DSTYK: variants seen among roughly 807,000 people sequenced by gnomAD.
The protein encoded by DSTYK is RIP-homologous kinase.
Under a neutral mutation model 98.7 loss-of-function variants are expected in DSTYK, and 34 were observed. The ratio of observed to expected loss-of-function variants is 0.34; its 90% CI spans 0.26 to 0.46. DSTYK has a LOEUF of 0.46. Among genes scored for constraint, DSTYK ranks in the 20% least tolerant of loss-of-function variants. DSTYK has a pLI of 1.00. For missense variants in DSTYK, 962 were observed against 1,181.7 expected (o/e 0.81, Z 2.73); for synonymous variants, 462 against 457.3 (o/e 1.01, Z -0.13).
intron 2 of DSTYK, among the ~76,000 whole-genome samples, chr1:205,186,654 C>G (rs1446916966): frequency 6.6e-6 from 1 of 152,156 alleles, no homozygotes; most frequent in Non-Finnish European, 1.5e-5. Flanking sequence ...AGTCACATCC[C>G]CATTTGGTCT....
intron 2 of DSTYK, among the ~76,000 whole-genome samples, chr1:205,172,162 G>T (rs1345595828): frequency 2.0e-5 from 3 of 152,122 alleles, no homozygotes; most frequent in East Asian, 1.9e-4. Context: ...TCACCATGTT[G>T]GCCGGGCTGG....
intron 2 of DSTYK, among the ~76,000 whole-genome samples, chr1:205,170,900 G>A (rs2102416161): frequency 6.6e-6 from 1 of 152,080 alleles, no homozygotes; most frequent in Middle Eastern, 3.4e-3. Context: ...CAGCCCTAAG[G>A]CAAACCTGAT....
At chr1:205,170,194 T>G in intron 2 of DSTYK, among the ~76,000 whole-genome samples, 1 of 152,178 alleles carries the variant, frequency 6.6e-6, no homozygotes, top group East Asian at 1.9e-4. Flanking sequence ...TAATGGAAAT[T>G]ATCAGACTGG....
intron 1 of DSTYK, among the ~76,000 whole-genome samples, chr1:205,200,437 G>A (rs1208541236): frequency 1.3e-5 from 2 of 152,132 alleles, no homozygotes; most frequent in Non-Finnish European, 2.9e-5. Flanking sequence ...GCCTCCCAAA[G>A]TGCTGGGATT....
intron 9 of DSTYK, among the ~76,000 whole-genome samples, chr1:205,158,942 A>G (rs1210658678): frequency 6.6e-6 from 1 of 152,208 alleles, no homozygotes; most frequent in Non-Finnish European, 1.5e-5. Context: ...TACAGCAAAA[A>G]TGAGAAAGAA....
intron 4 of DSTYK, among the ~76,000 whole-genome samples, 185 bp downstream of exon 4, chr1:205,163,538 G>A (rs1438313885): frequency 1.3e-5 from 2 of 152,168 alleles, no homozygotes; most frequent in Non-Finnish European, 2.9e-5. Flanking sequence ...CAACTTAACT[G>A]CAGTTTTACA....
rs112389325 is a variant in DSTYK at position 205,199,636 on chromosome 1, G to A, written c.265+11635C>T. On this transcript the variant is annotated intron_variant, in intron 1 of 12. Transcript: ENST00000367162. ...ATACTGAGACTGGACATCCTCCCAC[G>A]GCACTCCAGTCAGAGCTCTGTGAGG... Among the ~76,000 whole-genome samples, 1,316 of 152,148 alleles carry A rather than the reference G, an allele frequency of 8.6e-3. 22 individuals are homozygous for A. The highest frequency in any genetic ancestry group is 0.03 in the African/African-American group (1,254 of 41,498).
At chr1:205,164,092 G>A in intron 3 of DSTYK, 137 bp from the exon 4 acceptor site, 1 of 720,222 alleles carries the variant, frequency 1.4e-6, no homozygotes, top group Non-Finnish European at 2.3e-6. Flanking sequence ...CGTTGATGAT[G>A]TCTAACTCTC....
At position 205,162,927 on chromosome 1, in the gene DSTYK, T is replaced by A; in HGVS notation, c.1637A>T (p.Lys546Ile). The change falls in exon 5 of 13, where the codon AAA (lysine) becomes ATA (isoleucine). Residue 546 changes from lysine (K) to isoleucine (I), a missense_variant. Physicochemically the swap from Lys to Ile is moderately radical, Grantham distance 102. Coordinates refer to ENST00000367162, the MANE Select transcript of DSTYK (RefSeq NM_015375.3). The part of the protein sequence containing the change: ...SVTRMLWEQI[K>I]QIIQRITWVS... ...TCTCTAAGTAATAATCCCTACCTGT[T>A]TGATTTGCTCCCATAGCATCCTTGT... is the stretch of plus-strand genomic sequence containing the variant. The A allele has an allele frequency of 6.2e-7, 1 of 1,612,278 alleles. No individual in the cohort carries two copies. Among genetic ancestry groups the A allele is most frequent in the Non-Finnish European group, 8.5e-7 (1 of 1,178,288 alleles).
At chr1:205,157,868 T>C (rs898696676) in intron 9 of DSTYK, among the ~76,000 whole-genome samples, 1 of 151,954 alleles carries the variant, frequency 6.6e-6, no homozygotes, top group Non-Finnish European at 1.5e-5. Flanking sequence ...ATAAAATCCC[T>C]TGCAGGCTGC....
At chr1:205,194,034 C>T (rs111454579) in intron 1 of DSTYK, among the ~76,000 whole-genome samples, 355 of 152,344 alleles carry the variant, frequency 2.3e-3, no homozygotes, top group African/African-American at 8.1e-3. Context: ...CCAAGAATAA[C>T]CTGAGCAGAC....
intron 10 of DSTYK, among the ~76,000 whole-genome samples, chr1:205,155,738 T>G (rs1657539516): frequency 6.6e-6 from 1 of 151,264 alleles, no homozygotes; most frequent in Non-Finnish European, 1.5e-5. Context: ...GCTGCAGAAA[T>G]TTTCGTAAGT....
Position 205,163,875 on chromosome 1 carries a change from T to A in DSTYK, c.1405A>T (p.Ile469Phe). 6.2e-7 allele frequency: 1 copy of A among 1,614,170 alleles called. No individual in the cohort carries two copies. Among genetic ancestry groups the A allele is most frequent in the Non-Finnish European group, 8.5e-7 (1 of 1,180,032 alleles). Residue 469 changes from isoleucine (I) to phenylalanine (F), a missense_variant, in exon 4 of 13, where the codon ATC becomes TTC. Around this residue, in one of 4 missense-constraint regions of DSTYK, gnomAD observed 660 missense variants for 855.0 expected, o/e 0.77. Transcript: ENST00000367162. Reference protein sequence around the residue: ...CCIRQIQELIISRLNQAVANK... With the variant: ...CCIRQIQELIFSRLNQAVANK... ...GCCACTGCCTGATTAAGTCGGGAGA[T>A]GATGAGTTCCTGGATCTGTCGGATG... is the stretch of plus-strand genomic sequence containing the variant.
At chr1:205,207,765 A>G (rs1214405986) in intron 1 of DSTYK, among the ~76,000 whole-genome samples, 1 of 12,782 alleles carries the variant, frequency 7.8e-5, no homozygotes, top group African/African-American at 1.2e-4. Flanking sequence ...CAAAAAAAAA[A>G]AAAAAAAAAA....
chr1:205,159,305 T>A, intron 9 of DSTYK, among the ~76,000 whole-genome samples: 1 of 152,256 alleles, frequency 6.6e-6, no homozygotes, highest in Non-Finnish European at 1.5e-5. Context: ...CCCAGACTCG[T>A]CTCAAACTCC....
intron 10 of DSTYK, among the ~76,000 whole-genome samples, chr1:205,156,023 A>G (rs1434078592): frequency 6.6e-6 from 1 of 152,232 alleles, no homozygotes; most frequent in Non-Finnish European, 1.5e-5. Context: ...GGCAGCTTAC[A>G]TGTGGTGTTG....
In DSTYK at chr1:205,153,704, T is replaced by TTTTTG. The variant is rs1160075072; in HGVS notation, c.2353-2911_2353-2910insCAAAA. On this transcript the variant is annotated intron_variant, in intron 10 of 12. Coordinates refer to ENST00000367162, the MANE Select transcript of DSTYK (RefSeq NM_015375.3). ...TAAAATGTTTTCTGTAACTTACTTT[T>TTTTTG]TGTGTGTGTGTGTGTGGCAGGGTCT... Among the ~76,000 whole-genome samples the TTTTTG allele has an allele frequency of 1.7e-3, 128 of 74,518 alleles. 2 individuals carry two copies. In the East Asian group the frequency reaches 0.027, roughly 16 times the overall value. The allele number at this position is 74,518 out of a possible 152,430, so 48.9% of individuals were successfully genotyped here.
At chr1:205,198,258 C>T (rs567188602) in intron 1 of DSTYK, among the ~76,000 whole-genome samples, 27 of 152,254 alleles carry the variant, frequency 1.8e-4, no homozygotes, top group Non-Finnish European at 3.5e-4. Context: ...TTTTGCACTG[C>T]CTGTAGTGGC....
At chr1:205,211,240 G>A (rs1284705669) in intron 1 of DSTYK, 31 bp downstream of exon 1, 7 of 1,571,340 alleles carry the variant, frequency 4.5e-6, no homozygotes, top group Non-Finnish European at 6.0e-6. Flanking sequence ...TGCCTCTCCT[G>A]CCCTCTCTCC....
Sources: allele counts gnomAD v4.1 joint callset (sites outside exome capture counted in the v4.1 genomes callset), GRCh38; gene constraint gnomAD v4.1.1; regional missense constraint gnomAD v4.1.1; transcripts MANE v1.5; gene names NCBI Gene and HGNC (gene_info 2026-07-23, HGNC 2026-07-21).